SUFU: variants seen among roughly 807,000 people sequenced by gnomAD.
SUFU encodes the protein suppressor of fused homolog.
In SUFU, 7 loss-of-function variants were observed where a neutral mutation model predicts 58.9. The ratio of observed to expected loss-of-function variants is 0.12; its 90% CI spans 0.07 to 0.22. The LOEUF (loss-of-function observed/expected upper bound fraction) is 0.22, where lower values mean the gene tolerates loss of function less well. Ranked by LOEUF, SUFU falls within the 10% of genes least tolerant of loss-of-function variation. The pLI is 1.00. For missense variants in SUFU, 451 were observed against 641.3 expected, an observed-to-expected ratio of 0.70 and a Z score of 3.20; for synonymous variants, 232 against 254.8, an observed-to-expected ratio of 0.91 and a Z score of 0.85.
At chr10:102,606,895 T>A (rs921303080) in intron 8 of SUFU, among the ~76,000 whole-genome samples, 1 of 151,280 alleles carries the variant, frequency 6.6e-6, no homozygotes, top group African/African-American at 2.4e-5. Flanking sequence ...AATGGGAGAG[T>A]GATCCCAGAT....
At chr10:102,610,748 T>G (rs1282794978) in intron 8 of SUFU, among the ~76,000 whole-genome samples, 1 of 152,298 alleles carries the variant, frequency 6.6e-6, no homozygotes, top group South Asian at 2.1e-4. Flanking sequence ...AATGCCAATA[T>G]GATGGATGCC....
Position 102,629,896 on chromosome 10 carries a change from C to T in SUFU, c.1366-170C>T, listed in dbSNP as rs574232247. Among the ~76,000 whole-genome samples the T allele has an allele frequency of 1.3e-5, 2 of 152,286 alleles. No individual in the cohort carries two copies. The highest frequency in any genetic ancestry group is 2.4e-5 in the African/African-American group (1 of 41,552). ...GAAAGAAGGGGTCACCAACTCCAGC[C>T]GTTTGAGCCCAGCCTGCCACCTGGG... On this transcript the variant is annotated intron_variant, in intron 11 of 11. Coordinates refer to ENST00000369902, the MANE Select transcript of SUFU (RefSeq NM_016169.4). The surrounding 1 kb of genome is among the most constrained non-coding windows in gnomAD (Gnocchi z 4.7).
chr10:102,544,088 G>C (rs1300869624), intron 2 of SUFU, among the ~76,000 whole-genome samples: 1 of 152,108 alleles, frequency 6.6e-6, no homozygotes, highest in African/African-American at 2.4e-5. Flanking sequence ...AGCAGAGTGA[G>C]ACCCTGTCTC....
chr10:102,617,230 G>A lies in SUFU; in HGVS notation c.1158-60G>A, dbSNP rs2063696025. 1 of 1,612,700 alleles carries A rather than the reference G, an allele frequency of 6.2e-7. No homozygotes were observed. On this transcript the variant is annotated intron_variant, in intron 9 of 11. Transcript: ENST00000369902. This position sits in a 1 kb window ranked among gnomAD's most constrained non-coding sequence, Gnocchi z 4.4. ...CTGTCCCAGAGCCTTGGCCAGGCCTGCTGTGCTTGGAACTGTTTCCAAGCC... is the reference window on the plus strand; with the variant it reads ...CTGTCCCAGAGCCTTGGCCAGGCCTACTGTGCTTGGAACTGTTTCCAAGCC...
chr10:102,597,219 G>A lies in SUFU; in HGVS notation c.836G>A (p.Ser279Asn), dbSNP rs1486885056. The change falls in exon 7 of 12, where the codon AGC (serine) becomes AAC (asparagine). Residue 279 changes from serine to asparagine, a missense_variant. Ser to Asn is a conservative substitution (Grantham distance 46). Coordinates refer to ENST00000369902, the MANE Select transcript of SUFU (RefSeq NM_016169.4). ...GCCAAGTGTGCCTGGGATGACCTGA[G>A]CCGGCCCCCCGAGGATGACGAGGAC... ...VSAKCAWDDL[S>N]RPPEDDEDSR... 7 of 1,613,986 alleles carry A rather than the reference G, an allele frequency of 4.3e-6. No homozygotes were observed. The highest frequency in any genetic ancestry group is 1.3e-5 in the African/African-American group (1 of 74,990).
intron 3 of SUFU, among the ~76,000 whole-genome samples, chr10:102,583,262 C>A (rs2063301262): frequency 6.6e-6 from 1 of 152,164 alleles, no homozygotes; most frequent in Non-Finnish European, 1.5e-5. Context: ...AAGTCTAGTT[C>A]CTTCATCAGG....
chr10:102,629,261 T>C lies in SUFU; in HGVS notation c.1366-805T>C, dbSNP rs2063816403. On this transcript the variant is annotated intron_variant, in intron 11 of 11. Coordinates refer to ENST00000369902, the MANE Select transcript of SUFU (RefSeq NM_016169.4). The surrounding 1 kb of genome is among the most constrained non-coding windows in gnomAD (Gnocchi z 4.7). ...GTGTGCCAGACTGCATGCAAAGTTCTACAGTAAAGAGGGAATAAGAGGCAT... is the reference window on the plus strand; with the variant it reads ...GTGTGCCAGACTGCATGCAAAGTTCCACAGTAAAGAGGGAATAAGAGGCAT... Among the ~76,000 whole-genome samples the C allele has an allele frequency of 6.6e-6, 1 of 152,242 alleles. No homozygotes were observed. The highest frequency in any genetic ancestry group is 1.5e-5 in the Non-Finnish European group (1 of 68,038).
intron 3 of SUFU, among the ~76,000 whole-genome samples, chr10:102,584,037 G>GT (rs1410281125): frequency 6.6e-6 from 1 of 152,194 alleles, no homozygotes; most frequent in African/African-American, 2.4e-5. Flanking sequence ...GGCCAGTCCT[G>GT]TTTTCTGGTG....
chr10:102,557,508 ACTTGAGCCAGGGAGGTCGAGGCTGC>A (rs1212997688), intron 3 of SUFU, among the ~76,000 whole-genome samples: 16 of 152,094 alleles, frequency 1.1e-4, no homozygotes, highest in East Asian at 9.7e-4. Flanking sequence ...TAGGAGGATT[ACTTGAGCCAGGGAGGTCGAGGCTGC>A]CTTGAGCCAG....
intron 2 of SUFU, among the ~76,000 whole-genome samples, chr10:102,514,343 C>T (rs1564659282): frequency 6.6e-6 from 1 of 152,144 alleles, no homozygotes; most frequent in Non-Finnish European, 1.5e-5. Context: ...GGGATGCCCA[C>T]CCTGGTAACC....
intron 10 of SUFU, among the ~76,000 whole-genome samples, chr10:102,624,665 G>C (rs2063770534): frequency 6.6e-6 from 1 of 152,170 alleles, no homozygotes; most frequent in Admixed American, 6.5e-5. Flanking sequence ...TCCACACACA[G>C]ATGGTGCCGC....
At position 102,607,210 on chromosome 10, in the gene SUFU, G is replaced by C. The variant is rs142889318; in HGVS notation, c.1022+7666G>C. ...ACCACAGGCACATGCCACCATGCCT[G>C]GCTAATTTTTTGTACTTTTGGTAGA... On this transcript the variant is annotated intron_variant, in intron 8 of 11. Coordinates refer to ENST00000369902, the MANE Select transcript of SUFU (RefSeq NM_016169.4). Among the ~76,000 whole-genome samples, 540 of 152,062 alleles carry C rather than the reference G, an allele frequency of 3.6e-3. 1 individual carries two copies. The highest frequency in any genetic ancestry group is 0.012 in the African/African-American group (496 of 41,492).
intron 3 of SUFU, among the ~76,000 whole-genome samples, chr10:102,560,243 G>C (rs893954756): frequency 6.6e-6 from 1 of 152,088 alleles, no homozygotes; most frequent in Non-Finnish European, 1.5e-5. Context: ...CTCTTTCCAG[G>C]TTTTGTTTGC....
chr10:102,549,375 C>T (rs1406704650), intron 2 of SUFU, among the ~76,000 whole-genome samples: 1 of 152,120 alleles, frequency 6.6e-6, no homozygotes, highest in Non-Finnish European at 1.5e-5. Context: ...CCCTATAAAC[C>T]CATCAGATCT....
At chr10:102,574,818 A>C (rs1374392699) in intron 3 of SUFU, among the ~76,000 whole-genome samples, 2 of 152,168 alleles carry the variant, frequency 1.3e-5, no homozygotes, top group Non-Finnish European at 1.5e-5. Context: ...GCACTTTGGG[A>C]GGCCAAGGCA....
Position 102,619,367 on chromosome 10 carries a change from C to T in SUFU, c.1296+1939C>T. On this transcript the variant is annotated intron_variant, in intron 10 of 11. Transcript: ENST00000369902. The surrounding 1 kb of genome is among the most constrained non-coding windows in gnomAD (Gnocchi z 4.2). ...CGCTGGCTCCCCAGCACATGGTCCCCTCCCATGGGCTGTTGCCCAGGGAAC... is the reference window on the plus strand; with the variant it reads ...CGCTGGCTCCCCAGCACATGGTCCCTTCCCATGGGCTGTTGCCCAGGGAAC... The T allele has an allele frequency of 7.1e-7, 1 of 1,408,276 alleles. No individual in the cohort carries two copies. The highest frequency in any genetic ancestry group is 9.2e-7 in the Non-Finnish European group (1 of 1,082,784). The allele number at this position is 1,408,276 out of a possible 1,614,324, so 87.2% of individuals were successfully genotyped here.
intron 3 of SUFU, among the ~76,000 whole-genome samples, chr10:102,585,200 A>G (rs542998073): frequency 2.2e-4 from 33 of 152,344 alleles, no homozygotes; most frequent in African/African-American, 6.5e-4. Context: ...AACCATCACC[A>G]TAAAAAAAGA....
chr10:102,591,361 G>A (rs2063398722), intron 3 of SUFU, among the ~76,000 whole-genome samples: 1 of 152,132 alleles, frequency 6.6e-6, no homozygotes, highest in African/African-American at 2.4e-5. Context: ...TTAGCCAGGT[G>A]TGGTGGCACA....
At position 102,628,618 on chromosome 10, in the gene SUFU, G is replaced by A. The variant is rs937559849; in HGVS notation, c.1365+1375G>A. Among the ~76,000 whole-genome samples, 4 of 152,174 alleles carry A rather than the reference G, an allele frequency of 2.6e-5. No individual in the cohort carries two copies. Among genetic ancestry groups the A allele is most frequent in the African/African-American group, 9.7e-5 (4 of 41,416 alleles). ...AGGGACAGAAGCCTGGGGGAGCAGA[G>A]GAAAGTAGGTCACTAAAAATGACTT... is the stretch of plus-strand genomic sequence containing the variant. On this transcript the variant is annotated intron_variant, in intron 11 of 11. Transcript: ENST00000369902. This position sits in a 1 kb window ranked among gnomAD's most constrained non-coding sequence, Gnocchi z 4.5.
Sources: gnomAD v4.1 joint callset for allele counts (sites outside exome capture counted in the v4.1 genomes callset) on GRCh38, gnomAD v4.1.1 for gene constraint, Gnocchi (gnomAD v3.1) non-coding constraint, MANE v1.5 for transcripts, NCBI Gene and HGNC (gene_info 2026-07-23, HGNC 2026-07-21) for gene names.